Variants in NBAS observed in about 807,000 individuals in gnomAD.
The protein encoded by NBAS is NAG/BC035112 fusion.
Under a neutral mutation model 302.5 loss-of-function variants are expected in NBAS, and 219 were observed. The ratio of observed to expected loss-of-function variants is 0.72; its 90% CI spans 0.65 to 0.81. The LOEUF (loss-of-function observed/expected upper bound fraction) is 0.81, where lower values mean the gene tolerates loss of function less well. Among genes scored for constraint, NBAS ranks in the 30% least tolerant of loss-of-function variants. The pLI is 0.00. For missense variants in NBAS, 2,932 were observed against 2,841.6 expected (o/e 1.03, Z -0.72); for synonymous variants, 1,118 against 1,021.6 (o/e 1.09, Z -1.80).
At chr2:15,119,947 C>A in the NBAS span, among the ~76,000 whole-genome samples, 1 of 152,176 alleles carries the variant, frequency 6.6e-6, no homozygotes, top group Admixed American at 6.5e-5. Flanking sequence ...CCACCTGCAA[C>A]AGGAATGCAG....
chr2:14,967,223 C>T, the NBAS span, among the ~76,000 whole-genome samples: 8 of 152,002 alleles, frequency 5.3e-5, no homozygotes, highest in Non-Finnish European at 1.2e-4. Context: ...CAGTTCTTCC[C>T]CAAACTGATA....
intron 3 of NBAS, among the ~76,000 whole-genome samples, chr2:15,554,962 G>A (rs941116758): frequency 5.3e-5 from 8 of 151,878 alleles, no homozygotes; most frequent in African/African-American, 1.9e-4. Flanking sequence ...TGAGTAAGCA[G>A]ACACAGCAAA....
chr2:15,449,338 C>G (rs1236234247), intron 21 of NBAS, among the ~76,000 whole-genome samples: 1 of 152,164 alleles, frequency 6.6e-6, no homozygotes, highest in Non-Finnish European at 1.5e-5. Flanking sequence ...CATGAACATG[C>G]TATGTGAACT....
intron 7 of NBAS, among the ~76,000 whole-genome samples, chr2:15,537,478 T>G (rs903340347): frequency 2.0e-5 from 3 of 152,180 alleles, no homozygotes; most frequent in Non-Finnish European, 4.4e-5. Context: ...TATATCCCTC[T>G]ATTAAAATGG....
chr2:15,472,116 C>T (rs1679985684), intron 16 of NBAS, among the ~76,000 whole-genome samples: 1 of 152,138 alleles, frequency 6.6e-6, no homozygotes, highest in Non-Finnish European at 1.5e-5. Flanking sequence ...TCCAAATTTC[C>T]CCTCAAAGCC....
intron 47 of NBAS, among the ~76,000 whole-genome samples, chr2:15,229,767 G>C (rs941293918): frequency 6.2e-5 from 9 of 145,818 alleles, no homozygotes; most frequent in Non-Finnish European, 9.0e-5. Context: ...TGGCCAACAA[G>C]AGCAAACTCC....
At chr2:15,382,817 T>C (rs900691474) in intron 29 of NBAS, among the ~76,000 whole-genome samples, 1 of 152,192 alleles carries the variant, frequency 6.6e-6, no homozygotes, top group African/African-American at 2.4e-5. Context: ...AAATACTCTT[T>C]ATCAGTGTAA....
intron 43 of NBAS, among the ~76,000 whole-genome samples, chr2:15,276,630 T>A (rs1278822813): frequency 2.0e-5 from 3 of 152,166 alleles, no homozygotes; most frequent in Non-Finnish European, 4.4e-5. Context: ...CTACCATAAG[T>A]CACTGTGCGA....
chr2:14,996,497 A>G, the NBAS span, among the ~76,000 whole-genome samples: 1 of 152,118 alleles, frequency 6.6e-6, no homozygotes, highest in East Asian at 1.9e-4. Context: ...ATTCCAAATC[A>G]CGGGACATCT....
chr2:14,836,515 T>A, the NBAS span, among the ~76,000 whole-genome samples: 1 of 151,904 alleles, frequency 6.6e-6, no homozygotes, highest in East Asian at 1.9e-4. Flanking sequence ...ATCCAATCGT[T>A]GCAGCAACAT....
chr2:15,088,678 C>T, the NBAS span, among the ~76,000 whole-genome samples: 12 of 152,194 alleles, frequency 7.9e-5, no homozygotes, highest in African/African-American at 2.7e-4. Flanking sequence ...CCTAGAGGAC[C>T]ATCAGATGAA....
intron 16 of NBAS, among the ~76,000 whole-genome samples, chr2:15,471,035 C>T (rs545556095): frequency 2.0e-5 from 3 of 152,300 alleles, no homozygotes; most frequent in African/African-American, 4.8e-5. Context: ...TACCCCTTCA[C>T]AGTCCCTAGC....
intron 48 of NBAS, among the ~76,000 whole-genome samples, chr2:15,218,493 C>T (rs1293089243): frequency 2.0e-5 from 3 of 152,102 alleles, no homozygotes; most frequent in Non-Finnish European, 1.5e-5. Context: ...GGTGCCATCT[C>T]GACCACTGCA....
intron 16 of NBAS, among the ~76,000 whole-genome samples, chr2:15,469,515 C>T (rs1240030457): frequency 6.6e-6 from 1 of 152,078 alleles, no homozygotes; most frequent in East Asian, 1.9e-4. Flanking sequence ...ACAAATCTTC[C>T]TACTATAAAG....
At chr2:14,913,178 T>C in the NBAS span, among the ~76,000 whole-genome samples, 2 of 152,154 alleles carry the variant, frequency 1.3e-5, no homozygotes, top group Non-Finnish European at 2.9e-5. Flanking sequence ...GGGGCTGCAA[T>C]CCGCATTGGC....
At chr2:15,509,857 CCT>C (rs1491478485) in intron 10 of NBAS, among the ~76,000 whole-genome samples, 2 of 26,924 alleles carry the variant, frequency 7.4e-5, no homozygotes, top group Non-Finnish European at 1.9e-4. Context: ...GTGCTCACTT[CCT>C]TTTTTTTTGA....
At chr2:15,157,534 C>G in the NBAS span, among the ~76,000 whole-genome samples, 1 of 152,210 alleles carries the variant, frequency 6.6e-6, no homozygotes, top group Admixed American at 6.5e-5. Flanking sequence ...CTGCTCCCCA[C>G]CACCCAGAAT....
At chr2:14,918,666 C>T in the NBAS span, among the ~76,000 whole-genome samples, 162 of 152,330 alleles carry the variant, frequency 1.1e-3, 1 homozygote, top group African/African-American at 3.5e-3. Flanking sequence ...GCACTTGACC[C>T]TGAGGGTAGT....
At position 15,202,253 on chromosome 2, in the gene NBAS, CTACT is replaced by C. The variant is rs530403387; in HGVS notation, c.6433-11854_6433-11851del. Reference sequence around the variant, plus strand: ...ATTCAGAACCATGCTTTACAGCACCCTACTTATTTTATTATACCTGTAAACATAG... The same window carrying C: ...ATTCAGAACCATGCTTTACAGCACCCTATTTTATTATACCTGTAAACATAG... On this transcript the variant is annotated intron_variant, in intron 48 of 51. Transcript: ENST00000281513. Among the ~76,000 whole-genome samples the C allele has an allele frequency of 6.8e-4, 104 of 152,284 alleles. No homozygotes were observed. The Middle Eastern group carries it at 0.02, about 30-fold the overall frequency.
Sources: gnomAD v4.1 joint callset for allele counts (sites outside exome capture counted in the v4.1 genomes callset) on GRCh38, gnomAD v4.1.1 for gene constraint, MANE v1.5 for transcripts, NCBI Gene and HGNC (gene_info 2026-07-23, HGNC 2026-07-21) for gene names.